The following SPTBN4 variants were observed in gnomAD, a reference collection of about 807,000 sequenced individuals.
The protein encoded by SPTBN4 is spectrin beta, non-erythrocytic 4.
Under a neutral mutation model 277.8 loss-of-function variants are expected in SPTBN4, and 96 were observed. The observed-to-expected ratio is 0.35, with a 90% CI of 0.29 to 0.41. The LOEUF is 0.41. Ranked by LOEUF, SPTBN4 falls within the 10% of genes least tolerant of loss-of-function variation. The pLI, the probability that SPTBN4 is intolerant of heterozygous loss-of-function variation, is 1.00. For missense variants in SPTBN4, 3,006 were observed against 3,595.7 expected (o/e 0.84, Z 4.19); for synonymous variants, 1,481 against 1,580.3 (o/e 0.94, Z 1.49).
intron 14 of SPTBN4, 152 bp downstream of exon 14, chr19:40,513,706 T>C (rs1369367421): frequency 2.4e-6 from 2 of 823,498 alleles, no homozygotes; most frequent in African/African-American, 3.5e-5. Context: ...TTCTGCAACC[T>C]GCCTAATCTT....
chr19:40,557,005 C>CCG lies in SPTBN4; in HGVS notation c.5290-17_5290-16insGC, dbSNP rs751346134. 12 of 1,528,446 alleles carry CCG rather than the reference C, an allele frequency of 7.9e-6. No homozygotes were observed. In the South Asian group the frequency reaches 8.9e-5, roughly 11 times the overall value. The allele number at this position is 1,528,446 out of a possible 1,614,324, so 94.7% of individuals were successfully genotyped here. On this transcript the variant is annotated splice_polypyrimidine_tract_variant and intron_variant, in intron 25 of 35. Coordinates refer to ENST00000598249, the MANE Select transcript of SPTBN4 (RefSeq NM_020971.3). ...TTGCTCACTTTGCTGTACCCCCCCC[C>CCG]CCACTTCCTGATGGCAGGTGCTGCA...
chr19:40,489,693 T>C (rs2080114958), intron 3 of SPTBN4, among the ~76,000 whole-genome samples: 3 of 151,946 alleles, frequency 2.0e-5, no homozygotes, highest in South Asian at 2.1e-4. Context: ...GGGGCGGCCA[T>C]GGGATTAGTG....
chr19:40,519,539 CCGGGCCGGCGG>C lies in SPTBN4; in HGVS notation c.3045_3055del (p.Ala1016ProfsTer6). ...AGCGGAGAGCTGTGGAGAGCGCGCC[CCGGGCCGGCGG>C]CGCCCTGCAGTGGCGTCTTAGCGGC... On this transcript the variant is annotated frameshift_variant, in exon 16 of 36. Transcript: ENST00000598249. LOFTEE classifies it high-confidence loss of function. This position sits in a 1 kb window ranked among gnomAD's most constrained non-coding sequence, Gnocchi z 5.7. 1 of 1,584,820 alleles carries C rather than the reference CCGGGCCGGCGG, an allele frequency of 6.3e-7. No individual in the cohort carries two copies. Among genetic ancestry groups the C allele is most frequent in the Non-Finnish European group, 8.6e-7 (1 of 1,168,856 alleles).
Position 40,565,416 on chromosome 19 carries a change from A to G in SPTBN4, c.5916-7A>G, listed in dbSNP as rs766970419. 4 of 1,610,138 alleles carry G rather than the reference A, an allele frequency of 2.5e-6. No homozygotes were observed. Among genetic ancestry groups the G allele is most frequent in the Non-Finnish European group, 1.7e-6 (2 of 1,177,622 alleles). On this transcript the variant is annotated splice_region_variant and splice_polypyrimidine_tract_variant and intron_variant, in intron 27 of 35. Transcript: ENST00000598249. Reference sequence around the variant, plus strand: ...TGGCTCAGATCCCTGCCTGCCACCCACTGCAGGGACGTGTCATCAGTGGAG... The same window carrying G: ...TGGCTCAGATCCCTGCCTGCCACCCGCTGCAGGGACGTGTCATCAGTGGAG...
chr19:40,570,323 C>T (rs1031383991), intron 32 of SPTBN4, 113 bp from the exon 33 acceptor site: 2 of 607,250 alleles, frequency 3.3e-6, no homozygotes, highest in Non-Finnish European at 5.1e-6. Context: ...TACTCGCCTC[C>T]GAGACAAATG....
intron 1 of SPTBN4, among the ~76,000 whole-genome samples, chr19:40,469,816 A>G (rs1172328345): frequency 1.4e-5 from 2 of 140,162 alleles, no homozygotes; most frequent in Non-Finnish European, 3.1e-5. Flanking sequence ...GCTAGTTTTT[A>G]TATTTTTAGT....
chr19:40,523,746 G>C, intron 17 of SPTBN4, 107 bp downstream of exon 17: 1 of 991,602 alleles, frequency 1.0e-6, no homozygotes, highest in East Asian at 2.6e-5. Flanking sequence ...CACGATTTCT[G>C]CTTCTCTGGG....
intron 6 of SPTBN4, among the ~76,000 whole-genome samples, chr19:40,496,686 C>T (rs2080200942): frequency 6.6e-6 from 1 of 152,184 alleles, no homozygotes; most frequent in South Asian, 2.1e-4. Flanking sequence ...AGCTGGGGCT[C>T]AAGCTCTGAT....
intron 16 of SPTBN4, among the ~76,000 whole-genome samples, chr19:40,522,889 C>T (rs528767156): frequency 2.0e-5 from 3 of 151,822 alleles, no homozygotes; most frequent in East Asian, 2.0e-4. Flanking sequence ...CCCAGCACTT[C>T]GGGAGTCCAA....
At chr19:40,561,863 G>A (rs959402962) in intron 27 of SPTBN4, among the ~76,000 whole-genome samples, 5 of 151,996 alleles carry the variant, frequency 3.3e-5, no homozygotes, top group Non-Finnish European at 7.4e-5. Flanking sequence ...GAAATATAGC[G>A]TGGGTATATA....
chr19:40,549,531 GA>G, intron 21 of SPTBN4, 118 bp downstream of exon 21: 1 of 762,612 alleles, frequency 1.3e-6, no homozygotes, highest in Non-Finnish European at 2.0e-6. Flanking sequence ...TACGCTGAAA[GA>G]CGCATTCAGC....
chr19:40,501,835 T>A, intron 7 of SPTBN4, 86 bp from the exon 8 acceptor site: 1 of 1,082,856 alleles, frequency 9.2e-7, no homozygotes, highest in Non-Finnish European at 1.4e-6. Context: ...CTAGTGAGAG[T>A]GGCTTCTCCA....
intron 18 of SPTBN4, among the ~76,000 whole-genome samples, chr19:40,531,142 C>T (rs2080665151): frequency 6.6e-6 from 1 of 151,936 alleles, no homozygotes; most frequent in Non-Finnish European, 1.5e-5. Flanking sequence ...CTGGTTTTGC[C>T]CTCCATCATG....
chr19:40,520,182 GGA>G, intron 16 of SPTBN4, 31 bp downstream of exon 16: 1 of 1,366,648 alleles, frequency 7.3e-7, no homozygotes, highest in Non-Finnish European at 9.4e-7. Context: ...TTTCGGAGAG[GGA>G]GAGTCCGAGG....
intron 6 of SPTBN4, among the ~76,000 whole-genome samples, chr19:40,497,272 C>T (rs545503721): frequency 1.3e-5 from 2 of 152,144 alleles, no homozygotes; most frequent in African/African-American, 2.4e-5. Flanking sequence ...AATGCACATG[C>T]ACACACACAT....
chr19:40,575,295 C>T, intron 35 of SPTBN4, 116 bp from the exon 36 acceptor site: 1 of 1,209,864 alleles, frequency 8.3e-7, no homozygotes, highest in Non-Finnish European at 1.1e-6. Flanking sequence ...CATCATCATC[C>T]CTTTTTAATA....
chr19:40,549,582 T>C (rs1011915081), intron 21 of SPTBN4, among the ~76,000 whole-genome samples, 169 bp downstream of exon 21: 6 of 152,238 alleles, frequency 3.9e-5, no homozygotes, highest in African/African-American at 1.4e-4. Context: ...TTACTCACTT[T>C]GAATCATTCG....
chr19:40,568,831 T>C (rs2081122427), intron 31 of SPTBN4, among the ~76,000 whole-genome samples: 1 of 152,234 alleles, frequency 6.6e-6, no homozygotes, highest in South Asian at 2.1e-4. Context: ...TCCAGTCAGC[T>C]GAGTGTGTCT....
In SPTBN4 at chr19:40,502,514, C is replaced by T. The variant is rs763085573; in HGVS notation, c.1203+7C>T. On this transcript the variant is annotated splice_region_variant and intron_variant, in intron 10 of 35. Transcript: ENST00000598249. The surrounding 1 kb of genome is among the most constrained non-coding windows in gnomAD (Gnocchi z 4.9). ...CATCTGGGATATTGACAAGGTGAGG[C>T]CGGGGATGCAGGGGAGAGGCGGGGT... The T allele has an allele frequency of 3.1e-6, 5 of 1,607,674 alleles. No homozygotes were observed. Among genetic ancestry groups the T allele is most frequent in the Non-Finnish European group, 4.2e-6 (5 of 1,177,342 alleles).
Sources: gnomAD v4.1 joint callset for allele counts (sites outside exome capture counted in the v4.1 genomes callset) on GRCh38, gnomAD v4.1.1 for gene constraint, Gnocchi (gnomAD v3.1) non-coding constraint, MANE v1.5 for transcripts, NCBI Gene and HGNC (gene_info 2026-07-23, HGNC 2026-07-21) for gene names.